Variants in ALG13 observed in about 807,000 individuals in gnomAD.
ALG13 encodes the protein ALG13 UDP-N-acetylglucosaminyltransferase subunit, also known as UDP-N-acetylglucosamine transferase subunit ALG13.
A neutral mutation model predicts 87.8 loss-of-function variants in ALG13; 11 were observed. The observed-to-expected ratio is 0.13, with a 90% CI of 0.08 to 0.21. The LOEUF is 0.21. Ranked by LOEUF, ALG13 falls within the 10% of genes least tolerant of loss-of-function variation. The pLI is 1.00. For synonymous variants in ALG13, 320 were observed against 306.3 expected (o/e 1.04, Z -0.47); for missense variants, 756 against 866.1 (o/e 0.87, Z 1.60).
intron 23 of ALG13, among the ~76,000 whole-genome samples, chrX:111,741,220 G>A (rs1271960838): frequency 1.8e-5 from 2 of 111,617 alleles, no homozygotes; most frequent in Non-Finnish European, 3.8e-5. Context: ...CAGGTCAAAG[G>A]GCCCAGGTTC....
At chrX:111,712,311 T>C (rs1227621692) in intron 6 of ALG13, among the ~76,000 whole-genome samples, 173 bp from the exon 7 acceptor site, 1 of 111,631 alleles carries the variant, frequency 9.0e-6, no homozygotes, top group African/African-American at 3.3e-5. Flanking sequence ...TCAGGATAAG[T>C]TTATGTTAAT....
chrX:111,699,242 G>GT (rs1172926163), intron 3 of ALG13, among the ~76,000 whole-genome samples: 225 of 105,068 alleles, frequency 2.1e-3, no homozygotes, highest in Non-Finnish European at 3.1e-3. Flanking sequence ...TTCCTTACAG[G>GT]TTTTTTTTTT....
In ALG13 at chrX:111,701,261, T is replaced by A. The variant is rs191200014; in HGVS notation, c.384-6766T>A. 7.1e-5 allele frequency among the ~76,000 whole-genome samples: 8 copies of A among 112,284 alleles called. No homozygotes were observed. In the East Asian group the frequency reaches 2.0e-3, roughly 28 times the overall value. ...AGAAATATTCCTTCTTTTTCAGTTT[T>A]TTGAAAGAGCTTAAGAAGGATTGGT... On this transcript the variant is annotated intron_variant, in intron 3 of 26. Transcript: ENST00000394780.
chrX:111,751,429 C>T (rs1399065916), intron 24 of ALG13, among the ~76,000 whole-genome samples: 2 of 112,018 alleles, frequency 1.8e-5, no homozygotes, highest in Non-Finnish European at 3.8e-5. Flanking sequence ...GTGTGACTCA[C>T]TTCCTTGCAA....
chrX:111,689,461 A>C (rs946162934), intron 3 of ALG13: 251 of 752,077 alleles, frequency 3.3e-4, no homozygotes, highest in Non-Finnish European at 3.8e-4. Context: ...ACAGCCCCTA[A>C]ATCCTTTGCT....
intron 25 of ALG13, chrX:111,753,078 A>G (rs1413232583): frequency 4.0e-6 from 1 of 249,291 alleles, no homozygotes; most frequent in African/African-American, 2.8e-5. Flanking sequence ...CACAATCAGC[A>G]TATATTAGAT....
At chrX:111,696,876 A>G (rs949204595) in intron 3 of ALG13, among the ~76,000 whole-genome samples, 1 of 110,676 alleles carries the variant, frequency 9.0e-6, no homozygotes, top group African/African-American at 3.3e-5. Context: ...CATTATACTT[A>G]GATGTCAAAG....
chrX:111,685,295 A>G (rs754046852), intron 3 of ALG13, 192 bp downstream of exon 3: 11 of 416,191 alleles, frequency 2.6e-5, no homozygotes, highest in South Asian at 8.2e-5. Context: ...TTGTATTTCT[A>G]TGTGTATCTG....
intron 19 of ALG13, among the ~76,000 whole-genome samples, chrX:111,728,554 T>G (rs757375862): frequency 8.9e-6 from 1 of 111,916 alleles, no homozygotes; most frequent in Admixed American, 9.5e-5. Context: ...CATAGGTCTT[T>G]AGTGAGTTTT....
At chrX:111,697,222 G>T (rs1937097814) in intron 3 of ALG13, among the ~76,000 whole-genome samples, 2 of 111,327 alleles carry the variant, frequency 1.8e-5, no homozygotes, top group Non-Finnish European at 3.8e-5. Context: ...ATAAAGGCTA[G>T]GTCAAAAATG....
chrX:111,735,342 T>G (rs1356359861), intron 22 of ALG13, among the ~76,000 whole-genome samples: 1 of 112,282 alleles, frequency 8.9e-6, no homozygotes, highest in Non-Finnish European at 1.9e-5. Context: ...GGCTTTAGAT[T>G]ACTCATAGTC....
chrX:111,735,011 G>A (rs1943097428), intron 21 of ALG13, 40 bp from the exon 22 acceptor site: 1 of 886,477 alleles, frequency 1.1e-6, no homozygotes, highest in Non-Finnish European at 1.6e-6. Flanking sequence ...TTATTGATGT[G>A]TTGTTTGTTT....
At chrX:111,712,336 G>A (rs961721784) in intron 6 of ALG13, 148 bp from the exon 7 acceptor site, 38 of 323,545 alleles carry the variant, frequency 1.2e-4, no homozygotes, top group African/African-American at 9.6e-4. Flanking sequence ...AGCTATCACA[G>A]TATTCCAAGC....
intron 3 of ALG13, 127 bp from the exon 4 acceptor site, chrX:111,707,900 A>C: frequency 2.7e-6 from 2 of 754,526 alleles, no homozygotes; most frequent in Non-Finnish European, 3.7e-6. Context: ...TGATTGGGTT[A>C]GATTGGGTTA....
At chrX:111,707,956 C>G (rs1939073300) in intron 3 of ALG13, 71 bp from the exon 4 acceptor site, 3 of 1,067,177 alleles carry the variant, frequency 2.8e-6, no homozygotes, top group Non-Finnish European at 3.7e-6. Flanking sequence ...TTTCTCCCTC[C>G]CTCCCATGTC....
intron 25 of ALG13, 92 bp from the exon 26 acceptor site, chrX:111,757,496 T>A (rs1380431355): frequency 3.0e-5 from 15 of 506,876 alleles, no homozygotes; most frequent in East Asian, 1.7e-4. Flanking sequence ...AATTCTTATT[T>A]TTTTTTTTTT....
chrX:111,729,074 G>A (rs1990357123), intron 19 of ALG13, among the ~76,000 whole-genome samples: 1 of 111,480 alleles, frequency 9.0e-6, no homozygotes, highest in African/African-American at 3.3e-5. Context: ...GAGAAATCCT[G>A]TGCCCATTAG....
Position 111,714,046 on chromosome X carries a change from A to G in ALG13, c.1005+749A>G, listed in dbSNP as rs1453282298. 8.0e-5 allele frequency among the ~76,000 whole-genome samples: 9 copies of G among 112,057 alleles called. No homozygotes were observed. In the Admixed American group the frequency reaches 8.5e-4, roughly 11 times the overall value. On this transcript the variant is annotated intron_variant, in intron 8 of 26. Coordinates refer to ENST00000394780, the MANE Select transcript of ALG13 (RefSeq NM_001099922.3). Reference sequence around the variant, plus strand: ...ACAATTCTAATGATGGCATGACAAGACTGGAGACCAGGAGAACTGTTAGGA... The same window carrying G: ...ACAATTCTAATGATGGCATGACAAGGCTGGAGACCAGGAGAACTGTTAGGA...
chrX:111,700,954 CTCT>C (rs1937759108), intron 3 of ALG13, among the ~76,000 whole-genome samples: 1 of 109,830 alleles, frequency 9.1e-6, no homozygotes, highest in Non-Finnish European at 1.9e-5. Flanking sequence ...CAGATGCTTT[CTCT>C]GCATCTATTT....
Sources: allele counts gnomAD v4.1 joint callset (sites outside exome capture counted in the v4.1 genomes callset), GRCh38; gene constraint gnomAD v4.1.1; transcripts MANE v1.5; gene names NCBI Gene and HGNC (gene_info 2026-07-23, HGNC 2026-07-21).